The following CHAT variants were observed in gnomAD, a reference collection of about 807,000 sequenced individuals.
CHAT encodes the protein acetyl CoA:choline O-acetyltransferase.
A neutral mutation model predicts 76.9 loss-of-function variants in CHAT; 61 were observed. The ratio of observed to expected loss-of-function variants is 0.79; its 90% confidence interval spans 0.65 to 0.98. The LOEUF (loss-of-function observed/expected upper bound fraction) is 0.98, where lower values mean the gene tolerates loss of function less well. Among genes scored for constraint, CHAT ranks in the 50% least tolerant of loss-of-function variants. The pLI is 0.00. For missense variants in CHAT, 946 were observed against 986.9 expected (o/e 0.96, Z 0.56); for synonymous variants, 407 against 397.4 (o/e 1.02, Z -0.29).
At chr10:49,624,734 T>C (rs903434452) in intron 5 of CHAT, among the ~76,000 whole-genome samples, 10 of 150,900 alleles carry the variant, frequency 6.6e-5, no homozygotes, top group Admixed American at 6.6e-5. Context: ...GATGGACGGA[T>C]GGATGGATGG....
intron 5 of CHAT, 35 bp from the exon 6 acceptor site, chr10:49,625,438 T>C (rs1838881321): frequency 4.4e-6 from 7 of 1,605,966 alleles, no homozygotes; most frequent in Non-Finnish European, 5.1e-6. Context: ...CACCATCCCC[T>C]CGTGGCTGCC....
intron 3 of CHAT, 67 bp downstream of exon 3, chr10:49,619,983 C>T (rs1838645427): frequency 8.0e-6 from 12 of 1,493,550 alleles, no homozygotes; most frequent in South Asian, 2.4e-5. Flanking sequence ...AGAGGGATCT[C>T]GGTGAGAGGC....
In CHAT at chr10:49,627,675, G is replaced by A. The variant is rs1418654667; in HGVS notation, c.1001G>A (p.Arg334Lys). The A allele has an allele frequency of 1.2e-6, 2 of 1,614,148 alleles. No homozygotes were observed. The highest frequency in any genetic ancestry group is 1.7e-6 in the Non-Finnish European group (2 of 1,179,992). Reference sequence around the variant, plus strand: ...GAGGGGGATCTGTTCACTCAGTTGAGAAAGATAGTCAAAATGGCTTCCAAC... The same window carrying A: ...GAGGGGGATCTGTTCACTCAGTTGAAAAAGATAGTCAAAATGGCTTCCAAC... ...LSEGDLFTQL[R>K]KIVKMASNED... The change falls in exon 7 of 15, where the codon AGA becomes AAA. Residue 334 changes from arginine (R) to lysine (K), a missense_variant. Transcript: ENST00000337653.
intron 2 of CHAT, among the ~76,000 whole-genome samples, chr10:49,617,136 T>A (rs1838527069): frequency 6.6e-6 from 1 of 152,152 alleles, no homozygotes; most frequent in Admixed American, 6.5e-5. Flanking sequence ...TTGCATGTGT[T>A]TCCCCTCTCC....
rs1032940222 is a variant in CHAT, at chr10:49,667,869, T to C, written c.*2823T>C. ...ATATATGTAAGATTAAAGAACTGTA[T>C]ATTGTAAGCATTATATTCAAATTAT... On this transcript the variant is annotated 3_prime_UTR_variant, in exon 15 of 15. Coordinates refer to ENST00000337653, the MANE Select transcript of CHAT (RefSeq NM_020549.5). 2.0e-5 allele frequency among the ~76,000 whole-genome samples: 3 copies of C among 152,250 alleles called. No individual in the cohort carries two copies. The highest frequency in any genetic ancestry group is 7.2e-5 in the African/African-American group (3 of 41,464).
At chr10:49,610,327 G>A (rs969980547), upstream of CHAT, 54 of 180,690 alleles carry the variant, frequency 3.0e-4, no homozygotes, top group Non-Finnish European at 1.5e-4. Flanking sequence ...GACGCGAGGG[G>A]AGGGGAGCGC....
At chr10:49,638,383 A>T in intron 7 of CHAT, among the ~76,000 whole-genome samples, 1 of 152,216 alleles carries the variant, frequency 6.6e-6, no homozygotes, top group East Asian at 1.9e-4. Flanking sequence ...GTTTTGTCGT[A>T]TATTCCATCA....
chr10:49,620,593 T>C lies in CHAT; in HGVS notation c.678T>C (p.Pro226=), dbSNP rs142740451. Reference sequence around the variant, plus strand: ...TGATCTTTGCTCGGCAGCACTTCCCTGGCACCGATGACCAGCTGAGGTGAG... The same window carrying C: ...TGATCTTTGCTCGGCAGCACTTCCCCGGCACCGATGACCAGCTGAGGTGAG... ...PAVIFARQHF[P]GTDDQLRFAA... Residue 226 remains proline, a synonymous_variant, in exon 4 of 15, where the codon CCT becomes CCC. Transcript: ENST00000337653. 22 of 1,613,278 alleles carry C rather than the reference T, an allele frequency of 1.4e-5. 1 individual carries two copies. In the African/African-American group the frequency reaches 2.4e-4, roughly 18 times the overall value.
chr10:49,622,556 A>C (rs1426825494), intron 5 of CHAT, among the ~76,000 whole-genome samples: 1 of 152,144 alleles, frequency 6.6e-6, no homozygotes, highest in Non-Finnish European at 1.5e-5. Context: ...CAATCCCACC[A>C]AGCTCAGTGG....
In CHAT at chr10:49,619,932, A is replaced by G; in HGVS notation, c.579+16A>G. 1 of 1,606,464 alleles carries G rather than the reference A, an allele frequency of 6.2e-7. No homozygotes were observed. Among genetic ancestry groups the G allele is most frequent in the Non-Finnish European group, 8.5e-7 (1 of 1,177,022 alleles). ...AGCCAACTGGGTAAGAGGGGCAGACAAGGAACCCATAGAAGAGGGGCGGGA... is the reference window on the plus strand; with the variant it reads ...AGCCAACTGGGTAAGAGGGGCAGACGAGGAACCCATAGAAGAGGGGCGGGA... On this transcript the variant is annotated intron_variant, in intron 3 of 14. Coordinates refer to ENST00000337653, the MANE Select transcript of CHAT (RefSeq NM_020549.5).
At chr10:49,616,638 T>C (rs1352689181) in intron 2 of CHAT, 36 bp downstream of exon 2, 4 of 1,405,454 alleles carry the variant, frequency 2.8e-6, no homozygotes, top group Non-Finnish European at 3.0e-6. Flanking sequence ...CAACCCTGCT[T>C]TCCCCACCTA....
chr10:49,649,516 G>A lies in CHAT; in HGVS notation c.1391G>A (p.Ser464Asn), dbSNP rs148525631. ...TEHLLKHVTQ[S>N]SRKLIRADSV... ...TGCCTCTGTGCCCGCAGGACGCAGA[G>A]CAGCAGGAAGCTGATCCGAGCAGAC... Residue 464 changes from serine (S) to asparagine (N), a missense_variant, in exon 10 of 15, where the codon AGC becomes AAC. Transcript: ENST00000337653. 399 of 1,613,844 alleles carry A rather than the reference G, an allele frequency of 2.5e-4. 3 individuals are homozygous for A. The African/African-American group carries it at 4.9e-3, about 20-fold the overall frequency.
upstream of CHAT, chr10:49,611,448 T>C (rs1270083337): frequency 8.1e-6 from 13 of 1,598,354 alleles, no homozygotes; most frequent in Non-Finnish European, 1.0e-5. Context: ...GCATCCTCTA[T>C]GAGTTCGCCG....
At chr10:49,631,620 A>G (rs925092396) in intron 7 of CHAT, among the ~76,000 whole-genome samples, 3 of 152,188 alleles carry the variant, frequency 2.0e-5, no homozygotes, top group African/African-American at 7.2e-5. Flanking sequence ...TCTCAGTGAC[A>G]TGAGATGTGT....
intron 7 of CHAT, among the ~76,000 whole-genome samples, chr10:49,640,501 T>TGG (rs35719812): frequency 2.0e-5 from 3 of 150,302 alleles, no homozygotes; most frequent in Admixed American, 2.0e-4. Context: ...ACTGCAGGGT[T>TGG]GGGGGGTGGA....
Position 49,614,184 on chromosome 10 carries a change from G to A in CHAT, c.-6G>A, listed in dbSNP as rs755091583. On this transcript the variant is annotated 5_prime_UTR_variant, in exon 1 of 15. Transcript: ENST00000337653. ...TGAGATCCCTGGGCGGGGAGCTGGG[G>A]AAGGGATGGGGCTGAGGACAGCGAA... 2 of 1,465,136 alleles carry A rather than the reference G, an allele frequency of 1.4e-6. No homozygotes were observed. Among genetic ancestry groups the A allele is most frequent in the East Asian group, 5.1e-5 (2 of 39,484 alleles). 90.8% of individuals were successfully genotyped at this position (1,465,136 alleles called of 1,614,324 possible).
rs1564472151 is a variant in CHAT at position 49,619,870 on chromosome 10, C to T, written c.533C>T (p.Thr178Ile). 1.2e-6 allele frequency: 2 copies of T among 1,613,270 alleles called. No homozygotes were observed. Among genetic ancestry groups the T allele is most frequent in the African/African-American group, 1.3e-5 (1 of 74,876 alleles). Reference sequence around the variant, plus strand: ...GGGGCCCCTGGTGGCCTCGGCGAGACCCTGCAGCAGAAACTCCTGGAGCGG... The same window carrying T: ...GGGGCCCCTGGTGGCCTCGGCGAGATCCTGCAGCAGAAACTCCTGGAGCGG... ...QFGAPGGLGE[T>I]LQQKLLERQE... Residue 178 changes from threonine to isoleucine, a missense_variant, in exon 3 of 15, where the codon ACC becomes ATC. Around this residue, in one of 3 missense-constraint regions of CHAT, gnomAD observed 548 missense variants for 516.2 expected, o/e 1.06. Coordinates refer to ENST00000337653, the MANE Select transcript of CHAT (RefSeq NM_020549.5).
chr10:49,626,856 C>T (rs1449994617), intron 6 of CHAT, among the ~76,000 whole-genome samples: 1 of 152,238 alleles, frequency 6.6e-6, no homozygotes, highest in African/African-American at 2.4e-5. Flanking sequence ...AATGACAAAA[C>T]CACAGGGCTG....
rs1026950317 is a variant in CHAT at position 49,665,696 on chromosome 10, T to G, written c.*650T>G. The stretch of plus-strand genomic sequence containing the variant: ...TTTCGTGCCCAGGGGCAGCCTTCTG[T>G]TGAGCTCAGAAAATTGTGTCCAGCT... On this transcript the variant is annotated 3_prime_UTR_variant, in exon 15 of 15. Transcript: ENST00000337653. 2.0e-5 allele frequency among the ~76,000 whole-genome samples: 3 copies of G among 152,142 alleles called. No individual in the cohort carries two copies. The highest frequency in any genetic ancestry group is 6.5e-5 in the Admixed American group (1 of 15,278).
Sources: gnomAD v4.1 joint callset for allele counts (sites outside exome capture counted in the v4.1 genomes callset) on GRCh38, gnomAD v4.1.1 for gene constraint, gnomAD v4.1.1 regional missense constraint, MANE v1.5 for transcripts, NCBI Gene and HGNC (gene_info 2026-07-23, HGNC 2026-07-21) for gene names.